TSHZ2: variants seen among roughly 807,000 people sequenced by gnomAD.
The protein encoded by TSHZ2 is teashirt homolog 2.
TSHZ2 carries 21 observed loss-of-function variants against 74.4 expected under a neutral mutation model. That is an observed-to-expected ratio of 0.28 (90% CI 0.20 to 0.41). The LOEUF (loss-of-function observed/expected upper bound fraction) is 0.41. Ranked by LOEUF, TSHZ2 falls within the 10% of genes least tolerant of loss-of-function variation. TSHZ2 has a pLI of 1.00. For missense variants in TSHZ2, 1,244 were observed against 1,293.5 expected, an observed-to-expected ratio of 0.96 and a Z score of 0.59; for synonymous variants, 540 against 515.3, an observed-to-expected ratio of 1.05 and a Z score of -0.65.
At chr20:53,303,249 G>A (rs1029143801) in intron 2 of TSHZ2, among the ~76,000 whole-genome samples, 1 of 152,020 alleles carries the variant, frequency 6.6e-6, no homozygotes, top group African/African-American at 2.4e-5. Context: ...TGAGTTCTGC[G>A]CCCTCTTTGC....
chr20:52,981,020 C>T (rs940714343), intron 1 of TSHZ2, among the ~76,000 whole-genome samples: 4 of 152,072 alleles, frequency 2.6e-5, no homozygotes, highest in African/African-American at 9.7e-5. Context: ...GTGCACGGTG[C>T]CATTTGGTAC....
rs368401294 is a variant in TSHZ2 at position 53,458,344 on chromosome 20, T to C, written c.*9-28800T>C. 4.7e-3 allele frequency among the ~76,000 whole-genome samples: 717 copies of C among 151,622 alleles called. 5 individuals are homozygous for C. Among genetic ancestry groups the C allele is most frequent in the South Asian group, 0.025 (116 of 4,676 alleles). On this transcript the variant is annotated intron_variant, in intron 2 of 2. Transcript: ENST00000371497. ...TCTTCTAGATTTTCTAGTTTATTTG[T>C]GTAGAGGTGTTTGTAGTATTCTCTG...
At chr20:53,028,982 G>A (rs906625922) in intron 1 of TSHZ2, among the ~76,000 whole-genome samples, 1 of 152,136 alleles carries the variant, frequency 6.6e-6, no homozygotes, top group African/African-American at 2.4e-5. Flanking sequence ...AATTTTTTTA[G>A]TTCATTCAAA....
chr20:53,017,640 A>T (rs1242471537), intron 1 of TSHZ2, among the ~76,000 whole-genome samples: 1 of 152,198 alleles, frequency 6.6e-6, no homozygotes, highest in Non-Finnish European at 1.5e-5. Flanking sequence ...GGAGGTTTGA[A>T]AATTTGAATC....
chr20:53,461,297 C>T (rs1051557711), intron 2 of TSHZ2, among the ~76,000 whole-genome samples: 6 of 152,228 alleles, frequency 3.9e-5, no homozygotes, highest in African/African-American at 9.6e-5. Flanking sequence ...GGGAGTGACC[C>T]GATTTCCAGG....
chr20:52,991,259 G>A (rs2741365), intron 1 of TSHZ2, among the ~76,000 whole-genome samples: 44 of 135,656 alleles, frequency 3.2e-4, no homozygotes, highest in Middle Eastern at 4.4e-3. Flanking sequence ...GGGGGAGAGA[G>A]TGTGAAAGCT....
At chr20:53,328,509 C>T (rs1268264933) in intron 2 of TSHZ2, among the ~76,000 whole-genome samples, 1 of 152,208 alleles carries the variant, frequency 6.6e-6, no homozygotes, top group African/African-American at 2.4e-5. Context: ...TGTGAACCGT[C>T]CGGAACATCT....
At chr20:52,982,923 CT>C (rs1981622198) in intron 1 of TSHZ2, among the ~76,000 whole-genome samples, 2 of 152,128 alleles carry the variant, frequency 1.3e-5, no homozygotes, top group Non-Finnish European at 2.9e-5. Flanking sequence ...GTGATGTGAT[CT>C]GATTGGTTAT....
intron 1 of TSHZ2, among the ~76,000 whole-genome samples, chr20:53,103,445 T>C (rs181966580): frequency 6.6e-6 from 1 of 152,308 alleles, no homozygotes; most frequent in East Asian, 1.9e-4. Context: ...ATTGATTGCT[T>C]TTATTTAGGA....
intron 1 of TSHZ2, among the ~76,000 whole-genome samples, chr20:53,190,137 A>ATATATT (rs1568803538): frequency 6.6e-5 from 6 of 90,494 alleles, no homozygotes; most frequent in Non-Finnish European, 4.4e-5. Context: ...ATATATATAT[A>ATATATT]TTTTCTTAAA....
chr20:53,039,829 C>T (rs930864475), intron 1 of TSHZ2, among the ~76,000 whole-genome samples: 5 of 150,204 alleles, frequency 3.3e-5, no homozygotes, highest in Middle Eastern at 3.6e-3. Context: ...TGAAGAGGGC[C>T]GGCTGTGGTG....
intron 2 of TSHZ2, among the ~76,000 whole-genome samples, chr20:53,318,692 C>T (rs1979125373): frequency 6.6e-6 from 1 of 152,268 alleles, no homozygotes; most frequent in Admixed American, 6.5e-5. Flanking sequence ...TGAACCCCAC[C>T]AGGCTGGGCA....
intron 2 of TSHZ2, among the ~76,000 whole-genome samples, chr20:53,320,630 T>C (rs1055026362): frequency 6.6e-6 from 1 of 152,214 alleles, no homozygotes; most frequent in African/African-American, 2.4e-5. Context: ...GCTCTTTCTT[T>C]GCAGAAAGGG....
At chr20:53,173,108 G>A (rs1988241074) in intron 1 of TSHZ2, among the ~76,000 whole-genome samples, 1 of 152,210 alleles carries the variant, frequency 6.6e-6, no homozygotes, top group Non-Finnish European at 1.5e-5. Context: ...AACTGTAGCT[G>A]CTACTATTAA....
intron 2 of TSHZ2, among the ~76,000 whole-genome samples, chr20:53,363,584 A>C (rs2042825370): frequency 6.6e-6 from 1 of 152,172 alleles, no homozygotes; most frequent in Non-Finnish European, 1.5e-5. Flanking sequence ...TGCAGAGGAG[A>C]TTCATCAAAA....
chr20:53,430,352 G>T (rs899291297), intron 2 of TSHZ2, among the ~76,000 whole-genome samples: 2 of 152,056 alleles, frequency 1.3e-5, no homozygotes, highest in African/African-American at 4.8e-5. Flanking sequence ...TGATCCACCC[G>T]CCTTGGCCTC....
chr20:53,090,272 C>T (rs973813683), intron 1 of TSHZ2, among the ~76,000 whole-genome samples: 7 of 152,196 alleles, frequency 4.6e-5, no homozygotes, highest in Non-Finnish European at 8.8e-5. Context: ...GGGTCTGCCT[C>T]TCCCACACCA....
At chr20:53,083,837 TA>T (rs1280752597) in intron 1 of TSHZ2, among the ~76,000 whole-genome samples, 4 of 149,132 alleles carry the variant, frequency 2.7e-5, no homozygotes, top group African/African-American at 1.0e-4. Context: ...AGGGAATGTC[TA>T]TTTTTTTTAT....
At chr20:53,471,824 G>C (rs1219543789) in intron 2 of TSHZ2, among the ~76,000 whole-genome samples, 1 of 71,460 alleles carries the variant, frequency 1.4e-5, no homozygotes, top group East Asian at 4.4e-4. Flanking sequence ...TTTTTTTTTT[G>C]AGATAGAGTT....
Sources: gnomAD v4.1 joint callset for allele counts (sites outside exome capture counted in the v4.1 genomes callset) on GRCh38, gnomAD v4.1.1 for gene constraint, MANE v1.5 for transcripts, NCBI Gene and HGNC (gene_info 2026-07-23, HGNC 2026-07-21) for gene names.